The following NOVA2 variants were observed in gnomAD, a reference collection of about 807,000 sequenced individuals.
NOVA2 encodes the protein RNA-binding protein Nova-2.
NOVA2 carries 9 observed loss-of-function variants against 22.5 expected under a neutral mutation model. The ratio of observed to expected loss-of-function variants is 0.40; its 90% CI spans 0.24 to 0.70. NOVA2 has a LOEUF of 0.70. Among genes scored for constraint, NOVA2 ranks in the 30% least tolerant of loss-of-function variants. The pLI, the probability that NOVA2 is intolerant of heterozygous loss-of-function variation, is 0.38. For synonymous variants in NOVA2, 318 were observed against 335.2 expected (o/e 0.95, Z 0.56); for missense variants, 383 against 682.8 (o/e 0.56, Z 4.89).
chr19:45,965,946 CATT>C (rs985576213), intron 1 of NOVA2, among the ~76,000 whole-genome samples: 75 of 152,312 alleles, frequency 4.9e-4, no homozygotes, highest in African/African-American at 1.7e-3. Flanking sequence ...TAGATATCAT[CATT>C]ATCAGCATTG....
At chr19:45,946,244 G>A (rs746071492) in intron 3 of NOVA2, among the ~76,000 whole-genome samples, 6 of 152,108 alleles carry the variant, frequency 3.9e-5, no homozygotes, top group Non-Finnish European at 8.8e-5. Flanking sequence ...GGAGGTTGAA[G>A]TGAGCCAAAA....
chr19:45,940,649 G>A lies in NOVA2; in HGVS notation c.693C>T (p.Tyr231=), dbSNP rs1351556273. The A allele has an allele frequency of 3.2e-6, 5 of 1,561,326 alleles. No homozygotes were observed. In the African/African-American group the frequency reaches 4.1e-5, roughly 13 times the overall value. The change falls in exon 4 of 4, where the codon TAC becomes TAT. Residue 231 remains tyrosine (Y), a synonymous_variant. Coordinates refer to ENST00000263257, the MANE Select transcript of NOVA2 (RefSeq NM_002516.4). ...VANSNPTGSP[Y]ASPADVLPAA... Reference sequence around the variant, plus strand: ...CTGGCAGCACATCCGCGGGGCTGGCGTACGGAGAGCCGGTGGGGTTGGAGT... The same window carrying A: ...CTGGCAGCACATCCGCGGGGCTGGCATACGGAGAGCCGGTGGGGTTGGAGT...
chr19:45,963,572 C>T (rs566600920), intron 1 of NOVA2, among the ~76,000 whole-genome samples: 1 of 151,110 alleles, frequency 6.6e-6, no homozygotes, highest in East Asian at 2.0e-4. Flanking sequence ...CGCTCTGTCG[C>T]CCAGGCTGGA....
At chr19:45,945,653 A>T (rs1023527567) in intron 3 of NOVA2, among the ~76,000 whole-genome samples, 1 of 152,114 alleles carries the variant, frequency 6.6e-6, no homozygotes, top group Non-Finnish European at 1.5e-5. Context: ...TTATATCTCA[A>T]TAAAGCTGTC....
At chr19:45,958,595 G>T (rs1968048432) in intron 2 of NOVA2, among the ~76,000 whole-genome samples, 1 of 151,428 alleles carries the variant, frequency 6.6e-6, no homozygotes, top group South Asian at 2.1e-4. Context: ...GAGTGTGTGT[G>T]AGCATGACAG....
At position 45,935,897 on chromosome 19, in the gene NOVA2, C is replaced by A. The variant is rs1051764070; in HGVS notation, c.*3966G>T. 1.3e-5 allele frequency: 2 copies of A among 152,114 alleles called. No homozygotes were observed. The highest frequency in any genetic ancestry group is 4.8e-5 in the African/African-American group (2 of 41,368). 9.4% of individuals were successfully genotyped at this position (152,114 alleles called of 1,614,324 possible). A position where few individuals can be genotyped will look rare whatever the true frequency, so the allele number is the denominator to read the frequency against. Reference sequence around the variant, plus strand: ...CACCCTGGTGTTCCAAGTAGAGGTCCCCAACCATCTATAGGTCGGCTTTTA... The same window carrying A: ...CACCCTGGTGTTCCAAGTAGAGGTCACCAACCATCTATAGGTCGGCTTTTA... On this transcript the variant is annotated 3_prime_UTR_variant, in exon 4 of 4. Coordinates refer to ENST00000263257, the MANE Select transcript of NOVA2 (RefSeq NM_002516.4).
Position 45,939,710 on chromosome 19 carries a change from T to C in NOVA2, c.*153A>G. ...ACCGTCACTCAATCCTGCCTATGAC[T>C]ACCAGAAGGGGAGGGTGCAGTCGGG... On this transcript the variant is annotated 3_prime_UTR_variant, in exon 4 of 4. Coordinates refer to ENST00000263257, the MANE Select transcript of NOVA2 (RefSeq NM_002516.4). 2 of 944,670 alleles carry C rather than the reference T, an allele frequency of 2.1e-6. No homozygotes were observed. 58.5% of individuals were successfully genotyped at this position (944,670 alleles called of 1,614,324 possible).
At chr19:45,959,821 GGAGAGAGAGA>G (rs146270704) in intron 2 of NOVA2, among the ~76,000 whole-genome samples, 1 of 136,650 alleles carries the variant, frequency 7.3e-6, no homozygotes, top group Non-Finnish European at 1.6e-5. Flanking sequence ...AGACAGAGAG[GGAGAGAGAGA>G]GAGAGAGAGA....
rs148155367 is a variant in NOVA2, at chr19:45,953,795, G to A, written c.381C>T (p.Pro127=). Residue 127 remains proline (P), a synonymous_variant, in exon 3 of 4, where the codon CCC becomes CCT. Transcript: ENST00000263257. ...NILQPQTTMN[P]DRAKQAKLIV... is the part of the protein sequence containing the mutation. ...CCCAGCTGACCTGCTTGGCTCTGTC[G>A]GGGTTCATCGTGGTTTGGGGTTGAA... The A allele has an allele frequency of 7.5e-4, 1,211 of 1,614,030 alleles. No individual in the cohort carries two copies. Among genetic ancestry groups the A allele is most frequent in the Non-Finnish European group, 9.4e-4 (1,112 of 1,180,026 alleles).
chr19:45,968,766 G>A (rs1054872016), intron 1 of NOVA2, among the ~76,000 whole-genome samples: 1 of 151,934 alleles, frequency 6.6e-6, no homozygotes, highest in Non-Finnish European at 1.5e-5. Context: ...GAAATAACTC[G>A]CCTGAGGATT....
chr19:45,967,894 G>C (rs930109649), intron 1 of NOVA2: 1 of 151,840 alleles, frequency 6.6e-6, no homozygotes, highest in Non-Finnish European at 1.5e-5. Context: ...AATGAGCCGA[G>C]ATTGCGCCAC....
Position 45,935,988 on chromosome 19 carries a change from G to A in NOVA2, c.*3875C>T, listed in dbSNP as rs1224614723. 2 of 152,362 alleles carry A rather than the reference G, an allele frequency of 1.3e-5. No individual in the cohort carries two copies. Among genetic ancestry groups the A allele is most frequent in the Non-Finnish European group, 1.5e-5 (1 of 68,058 alleles). The allele number at this position is 152,362 out of a possible 1,614,324, so 9.4% of individuals were successfully genotyped here. On this transcript the variant is annotated 3_prime_UTR_variant, in exon 4 of 4. Transcript: ENST00000263257. The stretch of plus-strand genomic sequence containing the variant: ...TCCAGGGTAGGCGTTAGGGCAGATA[G>A]AAACGGCAAAATCATTGTCTTCTGA...
chr19:45,943,966 G>A (rs1967800393), intron 3 of NOVA2, among the ~76,000 whole-genome samples: 1 of 152,072 alleles, frequency 6.6e-6, no homozygotes, highest in African/African-American at 2.4e-5. Context: ...TTCACTAAAA[G>A]TTTTCATCAT....
In NOVA2 at chr19:45,964,682, T is replaced by TC. The variant is rs529350346; in HGVS notation, c.86-3530dup. ...CTCAAGTGATCCTCCTGCCTCGGCC[T>TC]CCCAAGTAGCTGGGACTACAGGCAC... On this transcript the variant is annotated intron_variant, in intron 1 of 3. Coordinates refer to ENST00000263257, the MANE Select transcript of NOVA2 (RefSeq NM_002516.4). Among the ~76,000 whole-genome samples the TC allele has an allele frequency of 9.9e-5, 15 of 151,946 alleles. No homozygotes were observed. The South Asian group carries it at 3.1e-3, about 32-fold the overall frequency.
chr19:45,966,912 G>A (rs8101795), intron 1 of NOVA2, among the ~76,000 whole-genome samples: 5 of 151,916 alleles, frequency 3.3e-5, no homozygotes, highest in Non-Finnish European at 7.4e-5. Context: ...TTTAAAAATC[G>A]TTGCTAACAA....
chr19:45,960,984 G>C (rs1231778176), intron 2 of NOVA2, 26 bp downstream of exon 2: 2 of 1,563,358 alleles, frequency 1.3e-6, no homozygotes, highest in Non-Finnish European at 1.7e-6. Context: ...GGGGGGCCTA[G>C]GGCAGAGACC....
chr19:45,937,028 G>A lies in NOVA2; in HGVS notation c.*2835C>T, dbSNP rs761311347. The A allele has an allele frequency of 1.3e-5, 2 of 152,206 alleles. No individual in the cohort carries two copies. The highest frequency in any genetic ancestry group is 2.9e-5 in the Non-Finnish European group (2 of 68,074). 9.4% of individuals were successfully genotyped at this position (152,206 alleles called of 1,614,324 possible). On this transcript the variant is annotated 3_prime_UTR_variant, in exon 4 of 4. Transcript: ENST00000263257. ...CTTTCAAGAGATGGCAAAGATGGTGGAGTGAGTTTCCCAAGGTAAAATGGG... is the reference window on the plus strand; with the variant it reads ...CTTTCAAGAGATGGCAAAGATGGTGAAGTGAGTTTCCCAAGGTAAAATGGG...
At chr19:45,964,179 C>CTTTTTTTTTTTTTTTTTTTTT (rs10555207) in intron 1 of NOVA2, among the ~76,000 whole-genome samples, 2 of 106,956 alleles carry the variant, frequency 1.9e-5, no homozygotes, top group Non-Finnish European at 4.0e-5. Flanking sequence ...TTTTCTTTTT[C>CTTTTTTTTTTTTTTTTTTTTT]TTTTTTTTTT....
At chr19:45,968,935 G>A (rs1968200395) in intron 1 of NOVA2, among the ~76,000 whole-genome samples, 1 of 152,164 alleles carries the variant, frequency 6.6e-6, no homozygotes, top group Admixed American at 6.5e-5. Context: ...TAGGTGGGTA[G>A]ATCACCTGAG....
Sources: allele counts gnomAD v4.1 joint callset (sites outside exome capture counted in the v4.1 genomes callset), GRCh38; gene constraint gnomAD v4.1.1; transcripts MANE v1.5; gene names NCBI Gene and HGNC (gene_info 2026-07-23, HGNC 2026-07-21).